Variants in KIAA1328 observed in about 807,000 individuals in gnomAD.
The protein encoded by KIAA1328 is protein hinderin.
A neutral mutation model predicts 68.1 loss-of-function variants in KIAA1328; 52 were observed. The ratio of observed to expected loss-of-function variants is 0.76; its 90% CI spans 0.61 to 0.96. The LOEUF (loss-of-function observed/expected upper bound fraction) is 0.96, where lower values mean the gene tolerates loss of function less well. KIAA1328 is among the 40% of genes least tolerant of loss of function. The probability of loss-of-function intolerance (pLI) is 0.00; values close to 1 mark genes in which losing one functional copy is unlikely to be tolerated. For missense variants in KIAA1328, 641 were observed against 677.6 expected, an observed-to-expected ratio of 0.95 and a Z score of 0.60; for synonymous variants, 232 against 239.4, an observed-to-expected ratio of 0.97 and a Z score of 0.28.
intron 5 of KIAA1328, among the ~76,000 whole-genome samples, chr18:36,898,735 A>G (rs1224325437): frequency 6.6e-6 from 1 of 151,994 alleles, no homozygotes; most frequent in Non-Finnish European, 1.5e-5. Flanking sequence ...TTGCAATTCT[A>G]GTCAGCAGAA....
chr18:36,870,114 G>A (rs1057196879), intron 4 of KIAA1328, among the ~76,000 whole-genome samples: 3 of 151,948 alleles, frequency 2.0e-5, no homozygotes, highest in Non-Finnish European at 4.4e-5. Context: ...TGCCTGCCTC[G>A]GCCTCCCAAA....
chr18:36,867,059 G>T (rs2047778050), intron 4 of KIAA1328, among the ~76,000 whole-genome samples: 1 of 152,072 alleles, frequency 6.6e-6, no homozygotes, highest in African/African-American at 2.4e-5. Context: ...GATATAGTTT[G>T]GATATTTGTC....
intron 1 of KIAA1328, among the ~76,000 whole-genome samples, chr18:36,834,004 A>G (rs1018566005): frequency 2.6e-5 from 4 of 152,214 alleles, no homozygotes; most frequent in Admixed American, 2.6e-4. Context: ...TAGAGTATAT[A>G]TTGCAGGGTA....
rs868542871 is a variant in KIAA1328, at chr18:37,045,687, A to G, written c.577-21203A>G. Among the ~76,000 whole-genome samples, 5 of 152,164 alleles carry G rather than the reference A, an allele frequency of 3.3e-5. No homozygotes were observed. The South Asian group carries it at 6.2e-4, about 19-fold the overall frequency. ...ATCAGATTCTCCTGTTTCTTTCAGA[A>G]TACTTTACTATTTCAGGCTTCTCAA... On this transcript the variant is annotated intron_variant, in intron 6 of 9. Coordinates refer to ENST00000280020, the MANE Select transcript of KIAA1328 (RefSeq NM_020776.3).
At chr18:36,945,401 C>T (rs1039327339) in intron 5 of KIAA1328, among the ~76,000 whole-genome samples, 3 of 152,010 alleles carry the variant, frequency 2.0e-5, no homozygotes, top group African/African-American at 4.8e-5. Context: ...GCCCCCCCCA[C>T]GAAGTTACTT....
At chr18:36,959,273 T>G (rs2051553279) in intron 5 of KIAA1328, 35 bp from the exon 6 acceptor site, 1 of 1,531,474 alleles carries the variant, frequency 6.5e-7, no homozygotes, top group Admixed American at 2.5e-5. Context: ...TTTGAATCAA[T>G]TTTTCAGTTT....
At chr18:37,106,383 G>A (rs2057776085) in intron 7 of KIAA1328, among the ~76,000 whole-genome samples, 2 of 151,908 alleles carry the variant, frequency 1.3e-5, no homozygotes, top group South Asian at 4.2e-4. Flanking sequence ...TTAGAAATTA[G>A]GTTTTAAGGA....
chr18:36,859,731 C>T (rs1341209692), intron 4 of KIAA1328, among the ~76,000 whole-genome samples: 26 of 151,724 alleles, frequency 1.7e-4, no homozygotes, highest in African/African-American at 5.6e-4. Context: ...ATTATAGGTG[C>T]GAGCCACTGC....
chr18:36,956,522 T>C (rs2051423162), intron 5 of KIAA1328, among the ~76,000 whole-genome samples: 2 of 146,666 alleles, frequency 1.4e-5, no homozygotes, highest in Admixed American at 6.7e-5. Context: ...TGAAGTCTCA[T>C]TGTGCTAAGG....
chr18:37,111,733 C>A (rs893177838), intron 7 of KIAA1328, among the ~76,000 whole-genome samples: 1 of 152,096 alleles, frequency 6.6e-6, no homozygotes, highest in East Asian at 1.9e-4. Flanking sequence ...CATCGCCTCA[C>A]CTGGGAAGCA....
At chr18:36,837,208 G>A (rs2046707769) in intron 3 of KIAA1328, among the ~76,000 whole-genome samples, 1 of 151,984 alleles carries the variant, frequency 6.6e-6, no homozygotes, top group Non-Finnish European at 1.5e-5. Context: ...TGTTACATTC[G>A]ACTAGCAATG....
At chr18:36,950,629 T>A (rs907779142) in intron 5 of KIAA1328, among the ~76,000 whole-genome samples, 2 of 152,116 alleles carry the variant, frequency 1.3e-5, no homozygotes, top group African/African-American at 4.8e-5. Context: ...CAAGTAGGAA[T>A]CTAGGATTAA....
chr18:36,963,860 C>T (rs2151290322), intron 6 of KIAA1328, among the ~76,000 whole-genome samples: 1 of 152,294 alleles, frequency 6.6e-6, no homozygotes, highest in South Asian at 2.1e-4. Context: ...TTTTTGTACA[C>T]TCAGAGCCTA....
intron 6 of KIAA1328, among the ~76,000 whole-genome samples, chr18:37,024,672 C>G (rs1286278864): frequency 6.6e-6 from 1 of 152,048 alleles, no homozygotes; most frequent in Admixed American, 6.6e-5. Context: ...ATGATGGTTT[C>G]CAGCTTCATC....
In KIAA1328 at chr18:37,099,023, C is replaced by T. The variant is rs566635128; in HGVS notation, c.1232+31478C>T. ...AATTTTCTTGATCTTGTCAAAAAAA[C>T]GGCTCCTGGATTCATTGATTTTTTT... On this transcript the variant is annotated intron_variant, in intron 7 of 9. Transcript: ENST00000280020. 7.2e-5 allele frequency among the ~76,000 whole-genome samples: 11 copies of T among 152,164 alleles called. No homozygotes were observed. The South Asian group carries it at 1.2e-3, about 17-fold the overall frequency.
intron 7 of KIAA1328, among the ~76,000 whole-genome samples, chr18:37,101,206 A>G (rs564412200): frequency 3.0e-4 from 45 of 152,330 alleles, no homozygotes; most frequent in Admixed American, 1.4e-3. Context: ...GCTTCAGACG[A>G]TCAAACTACT....
intron 5 of KIAA1328, among the ~76,000 whole-genome samples, chr18:36,914,559 A>G (rs762464532): frequency 2.0e-5 from 3 of 152,046 alleles, no homozygotes; most frequent in Non-Finnish European, 4.4e-5. Context: ...ATCTCTACTA[A>G]AAATACAAAC....
chr18:36,958,198 T>C (rs1158140671), intron 5 of KIAA1328, among the ~76,000 whole-genome samples: 1 of 152,182 alleles, frequency 6.6e-6, no homozygotes, highest in Non-Finnish European at 1.5e-5. Context: ...TGTTTCTTTA[T>C]CAGTGGACAT....
chr18:37,075,420 T>A (rs1346606735), intron 7 of KIAA1328: 3 of 152,280 alleles, frequency 2.0e-5, no homozygotes, highest in East Asian at 1.9e-4. Context: ...AGAAACTGCA[T>A]CAACTAACGA....
Sources: gnomAD v4.1 joint callset for allele counts (sites outside exome capture counted in the v4.1 genomes callset) on GRCh38, gnomAD v4.1.1 for gene constraint, MANE v1.5 for transcripts, NCBI Gene and HGNC (gene_info 2026-07-23, HGNC 2026-07-21) for gene names.